ZNF836: variants seen among roughly 807,000 people sequenced by gnomAD.
The protein encoded by ZNF836 is zinc finger protein 836.
Under a neutral mutation model 7.4 loss-of-function variants are expected in ZNF836, and 12 were observed. The observed-to-expected ratio is 1.61, with a 90% CI of 1.03 to 2.61. ZNF836 has a LOEUF of 2.61. Ranked by LOEUF, ZNF836 falls within the 30% of genes most tolerant of loss-of-function variation. The pLI is 0.00. For missense variants in ZNF836, 998 were observed against 1,126.2 expected (o/e 0.89, Z 1.63); for synonymous variants, 365 against 382.6 (o/e 0.95, Z 0.54).
At position 52,155,326 on chromosome 19, in the gene ZNF836, A is replaced by G. The variant is rs867441382; in HGVS notation, c.2357T>C (p.Val786Ala). ...TGCTAGTGTTGATTGATGACGAAAGACCTTGCCACATTCATTACATTTGTA... is the reference window on the plus strand; with the variant it reads ...TGCTAGTGTTGATTGATGACGAAAGGCCTTGCCACATTCATTACATTTGTA... ...KPYKCNECGK[V>A]FRHQSTLARH... Residue 786 changes from valine to alanine, a missense_variant, in exon 5 of 5, where the codon GTC becomes GCC. Transcript: ENST00000682614. 1.2e-6 allele frequency: 2 copies of G among 1,613,316 alleles called. No homozygotes were observed. The highest frequency in any genetic ancestry group is 1.7e-6 in the Non-Finnish European group (2 of 1,179,852).
chr19:52,167,761 A>G (rs2089278557), intron 3 of ZNF836, among the ~76,000 whole-genome samples: 1 of 152,122 alleles, frequency 6.6e-6, no homozygotes, highest in South Asian at 2.1e-4. Context: ...TTTTGCCTCT[A>G]AACAATCTCT....
chr19:52,165,573 G>C (rs767694103), intron 3 of ZNF836, among the ~76,000 whole-genome samples: 1 of 152,196 alleles, frequency 6.6e-6, no homozygotes, highest in Non-Finnish European at 1.5e-5. Flanking sequence ...ACTTGCAACA[G>C]TAGCTCCCCA....
chr19:52,167,647 A>T (rs1440298002), intron 3 of ZNF836, among the ~76,000 whole-genome samples: 1 of 152,130 alleles, frequency 6.6e-6, no homozygotes, highest in Non-Finnish European at 1.5e-5. Context: ...ATCTCCCCTC[A>T]TAGGTCTCTT....
In ZNF836 at chr19:52,163,975, T is replaced by C. The variant is rs2089236919; in HGVS notation, c.16-3384A>G. On this transcript the variant is annotated intron_variant, in intron 3 of 4. Transcript: ENST00000682614. Reference sequence around the variant, plus strand: ...TGTTGTTTTAGATGGATCGTTCTACTGAACTCCAGCCTGGGCAATAGAGTG... The same window carrying C: ...TGTTGTTTTAGATGGATCGTTCTACCGAACTCCAGCCTGGGCAATAGAGTG... Among the ~76,000 whole-genome samples, 2 of 145,256 alleles carry C rather than the reference T, an allele frequency of 1.4e-5. 1 individual carries two copies. The highest frequency in any genetic ancestry group is 4.3e-4 in the South Asian group (2 of 4,702).
Position 52,157,100 on chromosome 19 carries a change from A to G in ZNF836, c.583T>C (p.Tyr195His). 1.9e-6 allele frequency: 3 copies of G among 1,613,796 alleles called. No homozygotes were observed. Among genetic ancestry groups the G allele is most frequent in the Admixed American group, 3.3e-5 (2 of 60,002 alleles). Residue 195 changes from tyrosine (Y) to histidine (H), a missense_variant, in exon 5 of 5, where the codon TAT becomes CAT. By Grantham distance (83) the Tyr-to-His change is moderately conservative. Coordinates refer to ENST00000682614, the MANE Select transcript of ZNF836 (RefSeq NM_001102657.3). ...GACAGCTGCAAAAACTCATTCTCAT[A>G]TTTTTTAGAAATGTTGGTTTGGACA... is the stretch of plus-strand genomic sequence containing the variant. ...PSVQTNISKK[Y>H]ENEFLQLSLP...
chr19:52,157,438 T>C lies in ZNF836; in HGVS notation c.245A>G (p.Asp82Gly). The C allele has an allele frequency of 6.2e-7, 1 of 1,607,380 alleles. No individual in the cohort carries two copies. Among genetic ancestry groups the C allele is most frequent in the Non-Finnish European group, 8.5e-7 (1 of 1,178,292 alleles). The stretch of plus-strand genomic sequence containing the variant: ...TTCCCTTAAGTAAAAATTTTCAACA[T>C]CATAACATTCATGTCTTTCCAGCGT... ...TVTLERHECY[D>G]VENFYLREIQ... Residue 82 changes from aspartate to glycine, a missense_variant, in exon 5 of 5, where the codon GAT becomes GGT. Coordinates refer to ENST00000682614, the MANE Select transcript of ZNF836 (RefSeq NM_001102657.3).
At chr19:52,165,576 G>C (rs1389374771) in intron 3 of ZNF836, among the ~76,000 whole-genome samples, 1 of 152,194 alleles carries the variant, frequency 6.6e-6, no homozygotes, top group Non-Finnish European at 1.5e-5. Context: ...TGCAACAGTA[G>C]CTCCCCACAG....
intron 3 of ZNF836, 84 bp from the exon 4 acceptor site, chr19:52,160,675 T>A: frequency 6.8e-7 from 1 of 1,471,024 alleles, no homozygotes. Flanking sequence ...AACTGTCACA[T>A]CAATTTGATT....
At chr19:52,162,422 C>T (rs548404570) in intron 3 of ZNF836, among the ~76,000 whole-genome samples, 93 of 152,358 alleles carry the variant, frequency 6.1e-4, no homozygotes, top group African/African-American at 2.1e-3. Flanking sequence ...ACCGTGAGTC[C>T]ACATCTCATG....
intron 3 of ZNF836, among the ~76,000 whole-genome samples, chr19:52,163,473 C>G (rs115299739): frequency 0.016 from 2,380 of 152,310 alleles, 62 homozygotes; most frequent in African/African-American, 0.051. Flanking sequence ...GTTCATCACT[C>G]TTAAATTCTG....
In ZNF836 at chr19:52,154,407, TC is replaced by T. The variant is rs2089131730; in HGVS notation, c.*464del. ...CAGGCGCAGTGGCTCACACCTATAATCCCAGCACTTTGGGAGGCCGAGGCAG... is the reference window on the plus strand; with the variant it reads ...CAGGCGCAGTGGCTCACACCTATAATCCAGCACTTTGGGAGGCCGAGGCAG... On this transcript the variant is annotated 3_prime_UTR_variant, in exon 5 of 5. Transcript: ENST00000682614. Among the ~76,000 whole-genome samples, 1 of 152,028 alleles carries T rather than the reference TC, an allele frequency of 6.6e-6. No homozygotes were observed. Among genetic ancestry groups the T allele is most frequent in the South Asian group, 2.1e-4 (1 of 4,826 alleles).
At position 52,157,444 on chromosome 19, in the gene ZNF836, C is replaced by A; in HGVS notation, c.239G>T (p.Cys80Phe). ...TAAGTAAAAATTTTCAACATCATAA[C>A]ATTCATGTCTTTCCAGCGTCACTGT... is the stretch of plus-strand genomic sequence containing the variant. ...CQTVTLERHE[C>F]YDVENFYLRE... The change falls in exon 5 of 5, where the codon TGT (cysteine) becomes TTT (phenylalanine). Residue 80 changes from cysteine to phenylalanine, a missense_variant. Physicochemically the swap from Cys to Phe is radical, Grantham distance 205. Transcript: ENST00000682614. 2 of 1,605,150 alleles carry A rather than the reference C, an allele frequency of 1.2e-6. No homozygotes were observed. Among genetic ancestry groups the A allele is most frequent in the Non-Finnish European group, 8.5e-7 (1 of 1,177,644 alleles).
chr19:52,166,055 A>ACG (rs1351188563), intron 3 of ZNF836, among the ~76,000 whole-genome samples: 21 of 151,782 alleles, frequency 1.4e-4, no homozygotes, highest in African/African-American at 4.1e-4. Context: ...GCAATGGTGC[A>ACG]ATCTCAGCTC....
At chr19:52,160,251 G>T in intron 4 of ZNF836, 1 of 610,084 alleles carries the variant, frequency 1.6e-6, no homozygotes. Context: ...ATTCTACTAA[G>T]GGCACAGGAC....
Position 52,169,032 on chromosome 19 carries a change from C to T in ZNF836, c.-81+616G>A, listed in dbSNP as rs919000838. Among the ~76,000 whole-genome samples the T allele has an allele frequency of 3.3e-5, 5 of 152,104 alleles. No individual in the cohort carries two copies. In the South Asian group the frequency reaches 6.2e-4, roughly 19 times the overall value. ...AATGAAGAAGTTCAGGGGAATCTAA[C>T]GTACACCGTGGTGTCTATACTGTAT... On this transcript the variant is annotated intron_variant, in intron 2 of 4. Transcript: ENST00000682614.
chr19:52,163,962 T>A (rs963840050), intron 3 of ZNF836, among the ~76,000 whole-genome samples: 1 of 149,358 alleles, frequency 6.7e-6, no homozygotes, highest in African/African-American at 2.5e-5. Context: ...TTGTTTTAGA[T>A]GGATCGTTCT....
intron 3 of ZNF836, among the ~76,000 whole-genome samples, chr19:52,164,885 T>G: frequency 6.6e-6 from 1 of 152,168 alleles, no homozygotes; most frequent in East Asian, 1.9e-4. Flanking sequence ...TTCAGGAGTT[T>G]GAGACCAGCT....
chr19:52,160,127 G>C (rs2089199818), intron 4 of ZNF836, among the ~76,000 whole-genome samples: 1 of 150,060 alleles, frequency 6.7e-6, no homozygotes, highest in Admixed American at 6.7e-5. Context: ...AGGTTGCAGT[G>C]AGTTGGGTTC....
At position 52,156,968 on chromosome 19, in the gene ZNF836, C is replaced by T. The variant is rs1600138291; in HGVS notation, c.715G>A (p.Val239Ile). 6.2e-7 allele frequency: 1 copy of T among 1,614,144 alleles called. No homozygotes were observed. Among genetic ancestry groups the T allele is most frequent in the East Asian group, 2.2e-5 (1 of 44,876 alleles). The change falls in exon 5 of 5, where the codon GTA (valine) becomes ATA (isoleucine). Residue 239 changes from valine (V) to isoleucine (I), a missense_variant. Val to Ile is a conservative substitution (Grantham distance 29). Coordinates refer to ENST00000682614, the MANE Select transcript of ZNF836 (RefSeq NM_001102657.3). ...TTGTAAGGTTTCTCTGTAGTATGTA[C>T]CATCTGATGGTTAATAAGACTTGAA... ...VSSSLINHQM[V>I]HTTEKPYKCN...
Sources: allele counts gnomAD v4.1 joint callset (sites outside exome capture counted in the v4.1 genomes callset), GRCh38; gene constraint gnomAD v4.1.1; transcripts MANE v1.5; gene names NCBI Gene and HGNC (gene_info 2026-07-23, HGNC 2026-07-21).